AGPS: variants seen among roughly 807,000 people sequenced by gnomAD.
The protein encoded by AGPS is alkylglycerone phosphate synthase, also known as alkyldihydroxyacetonephosphate synthase, peroxisomal.
A neutral mutation model predicts 90.7 loss-of-function variants in AGPS; 26 were observed. That is an observed-to-expected ratio of 0.29 (90% CI 0.21 to 0.40). The LOEUF is 0.40. AGPS is among the 10% of genes least tolerant of loss of function. AGPS has a pLI of 1.00. For missense variants in AGPS, 540 were observed against 816.1 expected, an observed-to-expected ratio of 0.66 and a Z score of 4.12; for synonymous variants, 294 against 285.3, an observed-to-expected ratio of 1.03 and a Z score of -0.31.
chr2:177,517,389 A>C (rs553538810), intron 17 of AGPS, among the ~76,000 whole-genome samples: 6 of 152,252 alleles, frequency 3.9e-5, no homozygotes, highest in Admixed American at 2.6e-4. Flanking sequence ...ATTAATGTAA[A>C]CTTAGTGAAG....
intron 9 of AGPS, among the ~76,000 whole-genome samples, chr2:177,466,707 C>T (rs182781578): frequency 3.0e-4 from 45 of 152,346 alleles, no homozygotes; most frequent in Non-Finnish European, 5.4e-4. Flanking sequence ...TGGGTTGCAA[C>T]AGCACGCAGG....
intron 5 of AGPS, among the ~76,000 whole-genome samples, chr2:177,438,082 T>C (rs1274296762): frequency 6.6e-6 from 1 of 152,248 alleles, no homozygotes; most frequent in Non-Finnish European, 1.5e-5. Flanking sequence ...TTAGTAGCTT[T>C]AGGTTACTTC....
intron 5 of AGPS, among the ~76,000 whole-genome samples, chr2:177,438,983 T>TAC (rs1252168755): frequency 0.011 from 1,593 of 149,096 alleles, 12 homozygotes; most frequent in Non-Finnish European, 0.016. Context: ...ATTCTTGCAA[T>TAC]ACACACACAC....
At chr2:177,470,237 T>C (rs1687572248) in intron 10 of AGPS, among the ~76,000 whole-genome samples, 1 of 152,126 alleles carries the variant, frequency 6.6e-6, no homozygotes, top group Non-Finnish European at 1.5e-5. Context: ...GCAGCAGGTC[T>C]AGGAGCAGAA....
intron 1 of AGPS, among the ~76,000 whole-genome samples, chr2:177,408,596 T>C (rs1574344135): frequency 6.6e-6 from 1 of 152,260 alleles, no homozygotes; most frequent in East Asian, 1.9e-4. Flanking sequence ...CTTTCCCCTG[T>C]CTCCCACATG....
intron 7 of AGPS, among the ~76,000 whole-genome samples, chr2:177,443,615 A>G (rs1376186512): frequency 6.6e-6 from 1 of 152,252 alleles, no homozygotes; most frequent in Non-Finnish European, 1.5e-5. Flanking sequence ...CATAACATCA[A>G]TAGAGGTGTG....
chr2:177,486,332 T>A (rs552614596), intron 11 of AGPS, among the ~76,000 whole-genome samples: 1 of 152,312 alleles, frequency 6.6e-6, no homozygotes, highest in African/African-American at 2.4e-5. Flanking sequence ...TATAATGGTT[T>A]AGGGAAAGTT....
intron 1 of AGPS, among the ~76,000 whole-genome samples, chr2:177,404,912 T>C (rs1415309357): frequency 6.6e-6 from 1 of 152,222 alleles, no homozygotes; most frequent in African/African-American, 2.4e-5. Flanking sequence ...AAAAAAATTA[T>C]CATATTTTGG....
chr2:177,477,243 C>T (rs1159791311), intron 10 of AGPS, among the ~76,000 whole-genome samples: 1 of 151,752 alleles, frequency 6.6e-6, no homozygotes, highest in Non-Finnish European at 1.5e-5. Flanking sequence ...CTTTCTTTTG[C>T]CTTAAGTGAG....
chr2:177,477,079 T>TA (rs1687802172), intron 10 of AGPS, among the ~76,000 whole-genome samples: 1 of 152,048 alleles, frequency 6.6e-6, no homozygotes, highest in Non-Finnish European at 1.5e-5. Flanking sequence ...TGGATCTTTT[T>TA]AAAAAAATCG....
chr2:177,465,428 C>T (rs1160844910), intron 9 of AGPS, among the ~76,000 whole-genome samples: 2 of 152,208 alleles, frequency 1.3e-5, no homozygotes, highest in Non-Finnish European at 2.9e-5. Flanking sequence ...GGCACCTTTG[C>T]CCAAGTTTTG....
intron 1 of AGPS, among the ~76,000 whole-genome samples, chr2:177,396,086 G>T: frequency 6.7e-6 from 1 of 149,032 alleles, no homozygotes; most frequent in Non-Finnish European, 1.5e-5. Context: ...TATGGGGGTG[G>T]GAGGGTGGGG....
intron 3 of AGPS, among the ~76,000 whole-genome samples, chr2:177,435,827 A>G (rs1422985605): frequency 1.3e-5 from 2 of 152,166 alleles, no homozygotes; most frequent in African/African-American, 4.8e-5. Flanking sequence ...TATTCTAGCC[A>G]TGCTATTAGG....
At chr2:177,482,749 GA>G (rs1457873883) in intron 11 of AGPS, among the ~76,000 whole-genome samples, 6 of 151,796 alleles carry the variant, frequency 4.0e-5, no homozygotes, top group Non-Finnish European at 8.8e-5. Context: ...AAGCTAAAAA[GA>G]ATTTTTATTT....
At chr2:177,468,593 A>C in intron 10 of AGPS, 69 bp downstream of exon 10, 15 of 1,082,414 alleles carry the variant, frequency 1.4e-5, no homozygotes, top group Non-Finnish European at 2.1e-5. Flanking sequence ...AAATCTTTAT[A>C]TTGTGACATC....
intron 17 of AGPS, 59 bp from the exon 18 acceptor site, chr2:177,521,210 A>G: frequency 1.4e-6 from 2 of 1,405,100 alleles, no homozygotes; most frequent in Non-Finnish European, 1.0e-6. Context: ...CAGTTTCTAG[A>G]TGTTAAATCT....
chr2:177,446,415 A>G (rs1686776426), intron 8 of AGPS, among the ~76,000 whole-genome samples: 1 of 152,156 alleles, frequency 6.6e-6, no homozygotes, highest in African/African-American at 2.4e-5. Context: ...TGTTGGGATT[A>G]CAGGCGTGAG....
chr2:177,462,392 C>CAAAAAA (rs67734682), intron 9 of AGPS, among the ~76,000 whole-genome samples: 2 of 108,176 alleles, frequency 1.8e-5, no homozygotes, highest in Admixed American at 1.1e-4. Flanking sequence ...GATTCTGTCT[C>CAAAAAA]AAAAAAAAAA....
At chr2:177,455,357 C>G (rs1045609560) in intron 8 of AGPS, among the ~76,000 whole-genome samples, 47 of 152,106 alleles carry the variant, frequency 3.1e-4, no homozygotes, top group African/African-American at 1.1e-3. Flanking sequence ...TTCTGTGGAG[C>G]GCTAAACTAG....
Sources: gnomAD v4.1 joint callset for allele counts (sites outside exome capture counted in the v4.1 genomes callset) on GRCh38, gnomAD v4.1.1 for gene constraint, MANE v1.5 for transcripts, NCBI Gene and HGNC (gene_info 2026-07-23, HGNC 2026-07-21) for gene names.